CACNA2D1: variants seen among roughly 807,000 people sequenced by gnomAD.
CACNA2D1 encodes the protein calcium voltage-gated channel auxiliary subunit alpha2delta 1, also known as voltage-dependent calcium channel subunit alpha-2/delta-1.
In CACNA2D1, 53 loss-of-function variants were observed where a neutral mutation model predicts 171.5. That is an observed-to-expected ratio of 0.31 (90% CI 0.25 to 0.39). CACNA2D1 has a LOEUF of 0.39. Ranked by LOEUF, CACNA2D1 falls within the 10% of genes least tolerant of loss-of-function variation. The pLI, the probability that CACNA2D1 is intolerant of heterozygous loss-of-function variation, is 1.00. For missense variants in CACNA2D1, 903 were observed against 1,299.8 expected, an observed-to-expected ratio of 0.69 and a Z score of 4.69; for synonymous variants, 442 against 443.1, an observed-to-expected ratio of 1.00 and a Z score of 0.03.
chr7:82,281,361 T>C (rs1442685896), intron 3 of CACNA2D1, among the ~76,000 whole-genome samples: 1 of 152,214 alleles, frequency 6.6e-6, no homozygotes, highest in Admixed American at 6.5e-5. Context: ...CTGGTCAGTG[T>C]CATCCAAACC....
chr7:82,324,099 G>A (rs1486883331), intron 3 of CACNA2D1, among the ~76,000 whole-genome samples: 1 of 152,154 alleles, frequency 6.6e-6, no homozygotes, highest in African/African-American at 2.4e-5. Flanking sequence ...GCTCACGCCT[G>A]TAATCCCCGC....
intron 3 of CACNA2D1, among the ~76,000 whole-genome samples, chr7:82,238,599 G>A (rs541337210): frequency 6.6e-6 from 1 of 152,150 alleles, no homozygotes; most frequent in East Asian, 1.9e-4. Flanking sequence ...AGAAAAAAAA[G>A]AAACGCTTAT....
intron 10 of CACNA2D1, among the ~76,000 whole-genome samples, chr7:82,046,902 G>C (rs568646982): frequency 9.2e-5 from 14 of 152,136 alleles, no homozygotes; most frequent in Admixed American, 3.3e-4. Context: ...ATCTTGGATG[G>C]ATTTCTGAAT....
intron 1 of CACNA2D1, among the ~76,000 whole-genome samples, chr7:82,436,465 A>T (rs551188763): frequency 6.6e-6 from 1 of 152,188 alleles, no homozygotes; most frequent in Non-Finnish European, 1.5e-5. Context: ...ATTTTTAAGT[A>T]CTTATGTTCT....
At chr7:82,237,454 A>G (rs888919963) in intron 3 of CACNA2D1, among the ~76,000 whole-genome samples, 2 of 151,850 alleles carry the variant, frequency 1.3e-5, no homozygotes, top group African/African-American at 4.8e-5. Context: ...TCCTACCTCC[A>G]ATCTTCTGTG....
chr7:82,047,586 T>C, intron 10 of CACNA2D1, among the ~76,000 whole-genome samples: 1 of 152,098 alleles, frequency 6.6e-6, no homozygotes, highest in East Asian at 1.9e-4. Context: ...TTTATAAAAT[T>C]CTGACATCCA....
chr7:82,283,482 A>G (rs1388074007), intron 3 of CACNA2D1, among the ~76,000 whole-genome samples: 1 of 152,230 alleles, frequency 6.6e-6, no homozygotes, highest in Admixed American at 6.5e-5. Context: ...AATAGCATAA[A>G]TGTTGATAGA....
chr7:81,968,474 T>C (rs972674739), intron 29 of CACNA2D1, among the ~76,000 whole-genome samples: 1 of 151,436 alleles, frequency 6.6e-6, no homozygotes, highest in Non-Finnish European at 1.5e-5. Flanking sequence ...AAATATGCCA[T>C]ATTTATCTTT....
chr7:82,259,104 G>A (rs1806733127), intron 3 of CACNA2D1, among the ~76,000 whole-genome samples: 1 of 152,088 alleles, frequency 6.6e-6, no homozygotes, highest in South Asian at 2.1e-4. Flanking sequence ...TGGAATTACA[G>A]GCGTGAGCCA....
rs188911480 is a variant in CACNA2D1 at position 82,364,420 on chromosome 7, C to G, written c.96-14771G>C. On this transcript the variant is annotated intron_variant, in intron 1 of 38. Coordinates refer to ENST00000356860, the MANE Select transcript of CACNA2D1 (RefSeq NM_000722.4). ...CACCTGTGGATATAAAGGTAAAAGC[C>G]CTGACTGGTTAAGAGAAATGGTCAA... 4.1e-3 allele frequency among the ~76,000 whole-genome samples: 623 copies of G among 152,148 alleles called. 18 individuals carry two copies. Among genetic ancestry groups the G allele is most frequent in the Admixed American group, 0.037 (559 of 15,282 alleles).
At chr7:82,186,219 AAG>A (rs1242627214) in intron 3 of CACNA2D1, among the ~76,000 whole-genome samples, 6 of 75,076 alleles carry the variant, frequency 8.0e-5, no homozygotes, top group Admixed American at 1.5e-4. Context: ...GAGGGAGGGA[AAG>A]AGAGAGAGAG....
intron 3 of CACNA2D1, among the ~76,000 whole-genome samples, chr7:82,257,864 T>G (rs749401668): frequency 1.1e-4 from 16 of 152,242 alleles, no homozygotes; most frequent in Non-Finnish European, 2.1e-4. Flanking sequence ...ATCATATTTA[T>G]TTTGTTTGTA....
At position 82,117,240 on chromosome 7, in the gene CACNA2D1, CTTT is replaced by C. The variant is rs891512429; in HGVS notation, c.397-70_397-68del. 6.2e-6 allele frequency: 9 copies of C among 1,450,266 alleles called. No individual in the cohort carries two copies. In the Admixed American group the frequency reaches 1.4e-4, roughly 22 times the overall value. The allele number at this position is 1,450,266 out of a possible 1,614,324, so 89.8% of individuals were successfully genotyped here. A position where few individuals can be genotyped will look rare whatever the true frequency, so the allele number is the denominator to read the frequency against. ...AACATAAATATTTTCACATGCACTT[CTTT>C]ACTTGCCAAATGCATATTTTTCAAA... On this transcript the variant is annotated intron_variant, in intron 5 of 38. Coordinates refer to ENST00000356860, the MANE Select transcript of CACNA2D1 (RefSeq NM_000722.4).
rs1792171464 is a variant in CACNA2D1 at position 81,947,985 on chromosome 7, TCC to T, written c.*2405_*2406del. The T allele has an allele frequency of 6.6e-6, 1 of 151,798 alleles. No homozygotes were observed. The highest frequency in any genetic ancestry group is 1.5e-5 in the Non-Finnish European group (1 of 67,786). The allele number at this position is 151,798 out of a possible 1,614,324, so 9.4% of individuals were successfully genotyped here. On this transcript the variant is annotated 3_prime_UTR_variant, in exon 39 of 39. Coordinates refer to ENST00000356860, the MANE Select transcript of CACNA2D1 (RefSeq NM_000722.4). ...TGATGGCAACAGAAATTAAATAGGA[TCC>T]TGCCAAGAGATGCCAAGTTTAACCG...
intron 10 of CACNA2D1, among the ~76,000 whole-genome samples, chr7:82,038,829 A>C (rs1236560282): frequency 5.9e-5 from 9 of 152,202 alleles, no homozygotes; most frequent in African/African-American, 1.9e-4. Context: ...CCTTGGAGGC[A>C]AGGTGATGGA....
intron 3 of CACNA2D1, among the ~76,000 whole-genome samples, chr7:82,202,017 C>G (rs1418234447): frequency 6.6e-6 from 1 of 152,178 alleles, no homozygotes; most frequent in Non-Finnish European, 1.5e-5. Context: ...CGGTCAAGAA[C>G]AGGCTGAGGC....
intron 5 of CACNA2D1, 65 bp downstream of exon 5, chr7:82,136,570 C>A: frequency 8.1e-7 from 1 of 1,233,434 alleles, no homozygotes; most frequent in Non-Finnish European, 1.1e-6. Flanking sequence ...TCAATTTATT[C>A]TATATAAGGC....
At chr7:82,402,153 A>C (rs946553264) in intron 1 of CACNA2D1, among the ~76,000 whole-genome samples, 4 of 152,202 alleles carry the variant, frequency 2.6e-5, no homozygotes, top group African/African-American at 9.6e-5. Flanking sequence ...ATTCTGAAAG[A>C]GAAGATGACA....
At chr7:82,120,626 T>C (rs1421536394) in intron 5 of CACNA2D1, among the ~76,000 whole-genome samples, 1 of 152,084 alleles carries the variant, frequency 6.6e-6, no homozygotes, top group South Asian at 2.1e-4. Context: ...CTTGTAATTC[T>C]GGCACTTTGG....
Sources: gnomAD v4.1 joint callset for allele counts (sites outside exome capture counted in the v4.1 genomes callset) on GRCh38, gnomAD v4.1.1 for gene constraint, MANE v1.5 for transcripts, NCBI Gene and HGNC (gene_info 2026-07-23, HGNC 2026-07-21) for gene names.